Variants in PLXND1 observed in about 807,000 individuals in gnomAD.
The protein encoded by PLXND1 is plexin-D1.
In PLXND1, 54 loss-of-function variants were observed where a neutral mutation model predicts 197.7. The ratio of observed to expected loss-of-function variants is 0.27; its 90% CI spans 0.22 to 0.34. The LOEUF (loss-of-function observed/expected upper bound fraction) is 0.34. Ranked by LOEUF, PLXND1 falls within the 10% of genes least tolerant of loss-of-function variation. The probability of loss-of-function intolerance (pLI) is 1.00; values close to 1 mark genes in which losing one functional copy is unlikely to be tolerated. For missense variants in PLXND1, 2,127 were observed against 2,699.2 expected (o/e 0.79, Z 4.70); for synonymous variants, 1,180 against 1,161.2 (o/e 1.02, Z -0.33).
At chr3:129,573,849 C>T in intron 12 of PLXND1, 104 bp from the exon 13 acceptor site, 1 of 1,293,868 alleles carries the variant, frequency 7.7e-7, no homozygotes, top group Non-Finnish European at 1.1e-6. Context: ...CGTGCAGACC[C>T]ACTGCTTAGA....
At chr3:129,556,847 C>A (rs926869655) in intron 34 of PLXND1, 156 bp from the exon 35 acceptor site, 1 of 697,648 alleles carries the variant, frequency 1.4e-6, no homozygotes, top group Non-Finnish European at 2.4e-6. Flanking sequence ...ACGAAGACGG[C>A]TTCCCGGACC....
At chr3:129,583,445 A>T in intron 8 of PLXND1, 122 bp downstream of exon 8, 1 of 652,770 alleles carries the variant, frequency 1.5e-6, no homozygotes, top group Non-Finnish European at 2.8e-6. Context: ...TGAGCCCCAT[A>T]TAGCTGTCAA....
chr3:129,589,619 A>G (rs1272231886), intron 1 of PLXND1, 92 bp from the exon 2 acceptor site: 3 of 1,103,444 alleles, frequency 2.7e-6, no homozygotes, highest in African/African-American at 3.2e-5. Context: ...CCCTGGCATC[A>G]GAGCTTTCAA....
chr3:129,588,159 C>T (rs565305604), intron 2 of PLXND1, among the ~76,000 whole-genome samples: 1 of 152,210 alleles, frequency 6.6e-6, no homozygotes. Context: ...CAGGCTGTGG[C>T]GGGGTGTGGG....
At chr3:129,562,531 C>T (rs1181030020) in intron 27 of PLXND1, 4 of 407,024 alleles carry the variant, frequency 9.8e-6, no homozygotes, top group African/African-American at 6.0e-5. Context: ...AACAAACCAA[C>T]CCTACTCCAG....
At position 129,586,400 on chromosome 3, in the gene PLXND1, C is replaced by A. The variant is rs963257110; in HGVS notation, c.1621-128G>T. The A allele has an allele frequency of 2.4e-5, 24 of 1,016,278 alleles. No individual in the cohort carries two copies. In the African/African-American group the frequency reaches 2.4e-4, roughly 10 times the overall value. The allele number at this position is 1,016,278 out of a possible 1,614,324, so 63.0% of individuals were successfully genotyped here. A position where few individuals can be genotyped will look rare whatever the true frequency, so the allele number is the denominator to read the frequency against. On this transcript the variant is annotated intron_variant, in intron 3 of 35. Transcript: ENST00000324093. ...GAGGGTCAACACTCTAATGGGGGAACATGGGAGACAAGGCTTCCCTGCAGA... is the reference window on the plus strand; with the variant it reads ...GAGGGTCAACACTCTAATGGGGGAAAATGGGAGACAAGGCTTCCCTGCAGA...
At position 129,570,909 on chromosome 3, in the gene PLXND1, C is replaced by T. The variant is rs2285365; in HGVS notation, c.3627G>A (p.Gln1209=). ...IHKEQDSLGL[Q]SHEYRVKIGQ... The stretch of plus-strand genomic sequence containing the variant: ...CTATCTTGACCCGGTACTCGTGACT[C>T]TGGAGCCCCAGGCTGTCCTGCTCCT... The change falls in exon 19 of 36, where the codon CAG becomes CAA. Residue 1209 remains glutamine (Q), a synonymous_variant. Coordinates refer to ENST00000324093, the MANE Select transcript of PLXND1 (RefSeq NM_015103.3). The T allele has an allele frequency of 0.053, 85,302 of 1,614,136 alleles. 5,923 individuals carry two copies. The highest frequency in any genetic ancestry group is 0.33 in the African/African-American group (24,513 of 75,008).
chr3:129,562,261 C>G (rs972850934), intron 27 of PLXND1, among the ~76,000 whole-genome samples: 1 of 152,114 alleles, frequency 6.6e-6, no homozygotes, highest in Non-Finnish European at 1.5e-5. Context: ...ACCTGTAATC[C>G]CAGCACTTTG....
In PLXND1 at chr3:129,586,028, C is replaced by G. The variant is rs1272303581; in HGVS notation, c.1775G>C (p.Ser592Thr). The G allele has an allele frequency of 6.2e-7, 1 of 1,613,936 alleles. No individual in the cohort carries two copies. Among genetic ancestry groups the G allele is most frequent in the Non-Finnish European group, 8.5e-7 (1 of 1,180,036 alleles). ...TNSSQQHFWTSASEGPSRCPA... is the reference protein window; with the variant it reads ...TNSSQQHFWTTASEGPSRCPA... ...ACAGCGGCTGGGGCCCTCGCTGGCA[C>G]TGGTCCAGAAATGCTGCTGGCTGGA... The change falls in exon 5 of 36, where the codon AGT (serine) becomes ACT (threonine). Residue 592 changes from serine to threonine, a missense_variant. Transcript: ENST00000324093.
In PLXND1 at chr3:129,605,715, C is replaced by A; in HGVS notation, c.925G>T (p.Asp309Tyr). 1 of 1,540,702 alleles carries A rather than the reference C, an allele frequency of 6.5e-7. No homozygotes were observed. The highest frequency in any genetic ancestry group is 1.2e-5 in the South Asian group (1 of 83,764). The part of the protein sequence containing the change: ...LALNSEARAG[D>Y]KESQARSLLA... ...AGGCTCCGCGCCTGGCTCTCCTTGT[C>A]GCCCGCGCGCGCCTCGCTGTTGAGC... The change falls in exon 1 of 36, where the codon GAC becomes TAC. Residue 309 changes from aspartate (D) to tyrosine (Y), a missense_variant. Physicochemically the swap from Asp to Tyr is radical, Grantham distance 160 (BLOSUM62 -3). This residue lies in a region of PLXND1 where 1,095 missense variants were observed against 1,259.8 expected (regional missense o/e 0.87). Coordinates refer to ENST00000324093, the MANE Select transcript of PLXND1 (RefSeq NM_015103.3).
chr3:129,573,274 T>C (rs1374481030), intron 13 of PLXND1, among the ~76,000 whole-genome samples: 2 of 152,048 alleles, frequency 1.3e-5, no homozygotes, highest in African/African-American at 4.8e-5. Flanking sequence ...ACCATGCCAG[T>C]AGCCCCAGCC....
chr3:129,585,408 C>G (rs1424340861), intron 5 of PLXND1, among the ~76,000 whole-genome samples: 1 of 152,246 alleles, frequency 6.6e-6, no homozygotes, highest in Non-Finnish European at 1.5e-5. Context: ...GCCAAGGCTG[C>G]CTGCCAGAGC....
At chr3:129,584,625 G>T in intron 5 of PLXND1, 63 bp from the exon 6 acceptor site, 1 of 1,487,886 alleles carries the variant, frequency 6.7e-7, no homozygotes, top group Non-Finnish European at 9.1e-7. Flanking sequence ...CTGCCCCAGG[G>T]CTGTGCACCA....
chr3:129,595,272 C>T lies in PLXND1; in HGVS notation c.1312-5745G>A, dbSNP rs562210958. ...CTCAGAACACTGTGCAAGCTGACAC[C>T]TCTGCTGAGAGTAAACTGAGGCAAG... is the stretch of plus-strand genomic sequence containing the variant. On this transcript the variant is annotated intron_variant, in intron 1 of 35. Coordinates refer to ENST00000324093, the MANE Select transcript of PLXND1 (RefSeq NM_015103.3). 8.9e-4 allele frequency among the ~76,000 whole-genome samples: 136 copies of T among 152,370 alleles called. 1 individual carries two copies. In the Middle Eastern group the frequency reaches 0.01, roughly 11 times the overall value.
At chr3:129,574,889 G>A (rs1359520393) in intron 11 of PLXND1, among the ~76,000 whole-genome samples, 4 of 152,216 alleles carry the variant, frequency 2.6e-5, no homozygotes, top group Admixed American at 6.5e-5. Flanking sequence ...GGGGCCCTAG[G>A]ATGCTGGGGA....
At chr3:129,562,661 T>A in intron 27 of PLXND1, 126 bp downstream of exon 27, 1 of 853,148 alleles carries the variant, frequency 1.2e-6, no homozygotes, top group Non-Finnish European at 1.8e-6. Context: ...GGGGGCCTCA[T>A]TGGATCCTCT....
In PLXND1 at chr3:129,583,646, T is replaced by TGTGCCGACA; in HGVS notation, c.2153_2161dup (p.Leu718_Ala720dup). 1 of 1,612,618 alleles carries TGTGCCGACA rather than the reference T, an allele frequency of 6.2e-7. No homozygotes were observed. Among genetic ancestry groups the TGTGCCGACA allele is most frequent in the Non-Finnish European group, 8.5e-7 (1 of 1,179,696 alleles). On this transcript the variant is annotated inframe_insertion, in exon 8 of 36. Transcript: ENST00000324093. ...CTGGCTGCACCAGAAACAGGGCCAC[T>TGTGCCGACA]GTGCCGACAGGCAGCTGGTACAGCT...
In PLXND1 at chr3:129,606,186, G is replaced by A; in HGVS notation, c.454C>T (p.Arg152Cys). The A allele has an allele frequency of 3.9e-6, 6 of 1,554,134 alleles. No homozygotes were observed. Among genetic ancestry groups the A allele is most frequent in the Non-Finnish European group, 5.2e-6 (6 of 1,156,690 alleles). ...GCCACGGCCGAGATGTTGCCCCGGC[G>A]CCGCAGCTGGCAGAAGCCCTGGTAG... ...SIYQGFCQLRRRGNISAVAVR... is the reference protein window; with the variant it reads ...SIYQGFCQLRCRGNISAVAVR... The change falls in exon 1 of 36, where the codon CGC (arginine) becomes TGC (cysteine). Residue 152 changes from arginine to cysteine, a missense_variant. Coordinates refer to ENST00000324093, the MANE Select transcript of PLXND1 (RefSeq NM_015103.3).
At position 129,559,603 on chromosome 3, in the gene PLXND1, G is replaced by GC. The variant is rs60442867; in HGVS notation, c.5297+16dup. The stretch of plus-strand genomic sequence containing the variant: ...CCAGTGGCACAGTGAAGTCCACACG[G>GC]CCCCCCCACCCGCCACCTGTTGGTC... On this transcript the variant is annotated intron_variant, in intron 32 of 35. Transcript: ENST00000324093. 91 of 1,576,214 alleles carry GC rather than the reference G, an allele frequency of 5.8e-5. No individual in the cohort carries two copies. Among genetic ancestry groups the GC allele is most frequent in the South Asian group, 2.9e-4 (24 of 83,310 alleles).
Sources: allele counts gnomAD v4.1 joint callset (sites outside exome capture counted in the v4.1 genomes callset), GRCh38; gene constraint gnomAD v4.1.1; regional missense constraint gnomAD v4.1.1; transcripts MANE v1.5; gene names NCBI Gene and HGNC (gene_info 2026-07-23, HGNC 2026-07-21).